Variants in SPAG16 observed in about 807,000 individuals in gnomAD.
The protein encoded by SPAG16 is sperm associated antigen 16, also known as sperm-associated antigen 16 protein.
SPAG16 carries 86 observed loss-of-function variants against 80.4 expected under a neutral mutation model. That is an observed-to-expected ratio of 1.07 (90% CI 0.90 to 1.28). The LOEUF is 1.28. SPAG16 is among the 50% of genes most tolerant of loss of function. The pLI, the probability that SPAG16 is intolerant of heterozygous loss-of-function variation, is 0.00. For synonymous variants in SPAG16, 294 were observed against 265.9 expected (o/e 1.11, Z -1.03); for missense variants, 870 against 765.3 (o/e 1.14, Z -1.61).
chr2:213,663,164 C>T (rs1483141917), intron 10 of SPAG16, among the ~76,000 whole-genome samples: 1 of 151,984 alleles, frequency 6.6e-6, no homozygotes. Context: ...AAACATCTGC[C>T]AGTTCACAGA....
At chr2:214,174,198 C>T (rs1266102767) in intron 15 of SPAG16, among the ~76,000 whole-genome samples, 1 of 152,072 alleles carries the variant, frequency 6.6e-6, no homozygotes, top group African/African-American at 2.4e-5. Flanking sequence ...CTCACTACTC[C>T]TATTCAACAT....
At chr2:213,429,256 G>A (rs6435775) in intron 9 of SPAG16, among the ~76,000 whole-genome samples, 39,473 of 151,900 alleles carry the variant, frequency 0.26, 5,965 homozygotes, top group Middle Eastern at 0.45. Flanking sequence ...GTGCCTGCCC[G>A]TTGCTCCTGA....
intron 7 of SPAG16, among the ~76,000 whole-genome samples, chr2:213,353,460 G>C (rs1445700530): frequency 2.0e-5 from 3 of 152,224 alleles, no homozygotes; most frequent in East Asian, 3.8e-4. Flanking sequence ...CTGGAGAGTA[G>C]TGTGTTTTTC....
At chr2:214,116,221 A>G (rs868008180) in intron 14 of SPAG16, among the ~76,000 whole-genome samples, 2 of 152,324 alleles carry the variant, frequency 1.3e-5, no homozygotes, top group Middle Eastern at 3.4e-3. Context: ...TGTCTGCTCA[A>G]TGACAGTGGT....
intron 15 of SPAG16, among the ~76,000 whole-genome samples, chr2:214,199,930 T>C (rs2057960429): frequency 6.6e-6 from 1 of 152,202 alleles, no homozygotes; most frequent in African/African-American, 2.4e-5. Flanking sequence ...GCAGTGCTAC[T>C]GATTTGTGTA....
intron 8 of SPAG16, among the ~76,000 whole-genome samples, chr2:213,366,865 G>A (rs2066323543): frequency 1.3e-5 from 2 of 151,998 alleles, no homozygotes; most frequent in Admixed American, 1.3e-4. Flanking sequence ...GTATACATGT[G>A]CCATATTGGT....
chr2:214,141,777 T>C (rs951614639), intron 14 of SPAG16, among the ~76,000 whole-genome samples: 2 of 152,168 alleles, frequency 1.3e-5, no homozygotes, highest in Non-Finnish European at 2.9e-5. Flanking sequence ...TTTAAATAGG[T>C]AATCTGTCAT....
At chr2:213,988,006 C>T (rs2046101757) in intron 12 of SPAG16, among the ~76,000 whole-genome samples, 1 of 151,412 alleles carries the variant, frequency 6.6e-6, no homozygotes, top group African/African-American at 2.4e-5. Flanking sequence ...CTTATACTTG[C>T]AAAAACTAAC....
At chr2:213,880,908 A>T (rs1172454869) in intron 11 of SPAG16, among the ~76,000 whole-genome samples, 2 of 152,168 alleles carry the variant, frequency 1.3e-5, no homozygotes, top group Admixed American at 6.5e-5. Flanking sequence ...AGATAATGTG[A>T]TGCCTCAGGC....
chr2:213,689,528 C>CTTTTTTT (rs397873153), intron 10 of SPAG16, among the ~76,000 whole-genome samples: 2 of 54,234 alleles, frequency 3.7e-5, no homozygotes, highest in East Asian at 7.6e-4. Flanking sequence ...AGTGCTGGGG[C>CTTTTTTT]TTTTTTTTTT....
At chr2:213,519,789 T>C (rs1230602150) in intron 10 of SPAG16, among the ~76,000 whole-genome samples, 1 of 152,054 alleles carries the variant, frequency 6.6e-6, no homozygotes, top group African/African-American at 2.4e-5. Context: ...AAAGCACACA[T>C]GTTTTCATAG....
chr2:213,454,116 A>G (rs1173794664), intron 9 of SPAG16, among the ~76,000 whole-genome samples: 1 of 152,198 alleles, frequency 6.6e-6, no homozygotes, highest in African/African-American at 2.4e-5. Context: ...AACGGGGAAC[A>G]TGTAACCACA....
At chr2:213,938,102 C>T (rs1001152978) in intron 12 of SPAG16, among the ~76,000 whole-genome samples, 7 of 151,174 alleles carry the variant, frequency 4.6e-5, no homozygotes, top group Admixed American at 1.3e-4. Context: ...CTGATAAAAG[C>T]GAATATATAT....
intron 4 of SPAG16, among the ~76,000 whole-genome samples, chr2:213,314,597 T>A (rs972638538): frequency 1.3e-5 from 2 of 151,904 alleles, no homozygotes; most frequent in Non-Finnish European, 2.9e-5. Flanking sequence ...GATAAATAAT[T>A]TTTGAATGTC....
At chr2:214,209,209 A>C (rs577859912) in intron 15 of SPAG16, among the ~76,000 whole-genome samples, 14 of 152,198 alleles carry the variant, frequency 9.2e-5, no homozygotes, top group African/African-American at 3.4e-4. Context: ...ATGGTAGTGT[A>C]GTTATTATAT....
At chr2:213,728,342 G>A (rs1255897162) in intron 10 of SPAG16, among the ~76,000 whole-genome samples, 1 of 152,134 alleles carries the variant, frequency 6.6e-6, no homozygotes, top group Non-Finnish European at 1.5e-5. Flanking sequence ...CCTTTCTGCA[G>A]TCAGGGGAAG....
chr2:213,652,957 A>C (rs987261752), intron 10 of SPAG16, among the ~76,000 whole-genome samples: 1 of 152,100 alleles, frequency 6.6e-6, no homozygotes, highest in Non-Finnish European at 1.5e-5. Flanking sequence ...TGTTTCTTCT[A>C]AAAGTTTTAT....
At position 214,216,918 on chromosome 2, in the gene SPAG16, T is replaced by C. The variant is rs2125764686; in HGVS notation, c.1720+67652T>C. On this transcript the variant is annotated intron_variant, in intron 15 of 15. Transcript: ENST00000331683. ...TAATGAAAATTCTGTATTGGCACCC[T>C]GCATAGGCACAAGATATTAATATAT... Among the ~76,000 whole-genome samples the C allele has an allele frequency of 1.3e-5, 2 of 152,334 alleles. 1 individual carries two copies. Among genetic ancestry groups the C allele is most frequent in the South Asian group, 4.1e-4 (2 of 4,830 alleles).
At position 213,646,208 on chromosome 2, in the gene SPAG16, A is replaced by G. The variant is rs2062820060; in HGVS notation, c.1070+156118A>G. On this transcript the variant is annotated intron_variant, in intron 10 of 15. Transcript: ENST00000331683. The stretch of plus-strand genomic sequence containing the variant: ...CGACGATACAAAGTTACAACCAGGT[A>G]CTATGAGTGCTCACCTGATTTCTGG... Among the ~76,000 whole-genome samples the G allele has an allele frequency of 2.6e-5, 4 of 152,280 alleles. No homozygotes were observed. The South Asian group carries it at 8.3e-4, about 32-fold the overall frequency.
Sources: gnomAD v4.1 joint callset for allele counts (sites outside exome capture counted in the v4.1 genomes callset) on GRCh38, gnomAD v4.1.1 for gene constraint, MANE v1.5 for transcripts, NCBI Gene and HGNC (gene_info 2026-07-23, HGNC 2026-07-21) for gene names.